The following NDUFAF3 variants were observed in gnomAD, a reference collection of about 807,000 sequenced individuals.
NDUFAF3 encodes NADH dehydrogenase [ubiquinone] 1 alpha subcomplex assembly factor 3.
In NDUFAF3, 21 loss-of-function variants were observed where a neutral mutation model predicts 22.6. That is an observed-to-expected ratio of 0.93 (90% CI 0.66 to 1.34). NDUFAF3 has a LOEUF of 1.34. Among genes scored for constraint, NDUFAF3 ranks in the 40% most tolerant of loss-of-function variants. The probability of loss-of-function intolerance (pLI) is 0.00; values close to 1 mark genes in which losing one functional copy is unlikely to be tolerated. For synonymous variants in NDUFAF3, 113 were observed against 104.9 expected (o/e 1.08, Z -0.47); for missense variants, 251 against 248.4 (o/e 1.01, Z -0.07).
At position 49,022,418 on chromosome 3, in the gene NDUFAF3, G is replaced by A. The variant is rs1411285409; in HGVS notation, c.150G>A (p.Leu50=). ...ATCAGCGGACGCGCATCTCTCTGCT[G>A]CAACGCGAGGCCGCTCAGGCAATGT... The part of the protein sequence containing the change: ...ELYQRTRISL[L]QREAAQAMYI... The change falls in exon 2 of 5, where the codon CTG becomes CTA. Residue 50 remains leucine, a synonymous_variant. Coordinates refer to ENST00000326925, the MANE Select transcript of NDUFAF3 (RefSeq NM_199069.2). This position sits in a 1 kb window ranked among gnomAD's most constrained non-coding sequence, Gnocchi z 6.6. 1 of 1,612,976 alleles carries A rather than the reference G, an allele frequency of 6.2e-7. No individual in the cohort carries two copies.
chr3:49,022,872 C>G lies in NDUFAF3; in HGVS notation c.338-4C>G, dbSNP rs372597252. The G allele has an allele frequency of 1.2e-5, 19 of 1,613,964 alleles. No homozygotes were observed. Among genetic ancestry groups the G allele is most frequent in the Non-Finnish European group, 1.5e-5 (18 of 1,179,994 alleles). On this transcript the variant is annotated splice_region_variant and splice_polypyrimidine_tract_variant and intron_variant, in intron 3 of 4. Coordinates refer to ENST00000326925, the MANE Select transcript of NDUFAF3 (RefSeq NM_199069.2). The surrounding 1 kb of genome is among the most constrained non-coding windows in gnomAD (Gnocchi z 6.6). Reference sequence around the variant, plus strand: ...GTAGACTAGCCACACCCACCCTTCCCTAGAGATCGTGGTGGTGGGGACTGG... The same window carrying G: ...GTAGACTAGCCACACCCACCCTTCCGTAGAGATCGTGGTGGTGGGGACTGG...
upstream of NDUFAF3, chr3:49,020,532 C>A (rs1575300039): frequency 2.3e-6 from 1 of 438,300 alleles, no homozygotes; most frequent in South Asian, 1.6e-5. Flanking sequence ...AGCCTGAGGG[C>A]GCAACTGAGA....
At chr3:49,021,016 C>A (rs1163614369), upstream of NDUFAF3, 1 of 161,116 alleles carries the variant, frequency 6.2e-6, no homozygotes, top group African/African-American at 2.4e-5. This position sits in a 1 kb window ranked among gnomAD's most constrained non-coding sequence, Gnocchi z 4.1. Flanking sequence ...GGAAGCGCGC[C>A]CGTGGGGCCG....
Position 49,022,332 on chromosome 3 carries a change from C to CTT in NDUFAF3, c.78-12_78-11dup. 1.2e-6 allele frequency: 2 copies of CTT among 1,610,740 alleles called. No homozygotes were observed. Among genetic ancestry groups the CTT allele is most frequent in the Non-Finnish European group, 1.7e-6 (2 of 1,179,704 alleles). On this transcript the variant is annotated splice_polypyrimidine_tract_variant and intron_variant, in intron 1 of 4. Transcript: ENST00000326925. This position sits in a 1 kb window ranked among gnomAD's most constrained non-coding sequence, Gnocchi z 6.6. ...CCGGCCCGGCCCCGCGCCCCTGACCCTTTCCCTCCGCAGGGCCCCGCGGCG... is the reference window on the plus strand; with the variant it reads ...CCGGCCCGGCCCCGCGCCCCTGACCCTTTTTCCCTCCGCAGGGCCCCGCGGCG...
chr3:49,021,021 G>C (rs1429126769), upstream of NDUFAF3: 3 of 161,868 alleles, frequency 1.9e-5, no homozygotes, highest in Non-Finnish European at 2.8e-5. The surrounding 1 kb of genome is among the most constrained non-coding windows in gnomAD (Gnocchi z 4.1). Flanking sequence ...CGCGCCCGTG[G>C]GGCCGGAGAG....
rs1306315283 is a variant in NDUFAF3, at chr3:49,022,520, C to T, written c.252C>T (p.His84=). Residue 84 remains histidine (H), a synonymous_variant, in exon 2 of 5, where the codon CAC becomes CAT. Transcript: ENST00000326925. The surrounding 1 kb of genome is among the most constrained non-coding windows in gnomAD (Gnocchi z 6.6). ...RVLGPCALLP[H]SVVQWNVGSH... is the part of the protein sequence containing the mutation. ...TCGGCCCCTGCGCTCTGCTCCCGCA[C>T]TCGGTGGTGCAGTGGAACGTGAGTC... 5.0e-6 allele frequency: 8 copies of T among 1,613,338 alleles called. No individual in the cohort carries two copies. Among genetic ancestry groups the T allele is most frequent in the Non-Finnish European group, 6.8e-6 (8 of 1,179,950 alleles).
upstream of NDUFAF3, chr3:49,022,062 C>A: frequency 3.5e-6 from 5 of 1,449,148 alleles, no homozygotes; most frequent in South Asian, 3.6e-5. The surrounding 1 kb of genome is among the most constrained non-coding windows in gnomAD (Gnocchi z 6.6). Flanking sequence ...GGCGCTGCAG[C>A]CACGCTGGGT....
rs1368645615 is a variant in NDUFAF3 at position 49,022,629 on chromosome 3, C to T, written c.271-73C>T. ...CTGCAAACTTGGCTTTCCTCTGTCT[C>T]CTCCTGCAGTGGATGGAGATGGGGA... On this transcript the variant is annotated intron_variant, in intron 2 of 4. Transcript: ENST00000326925. The surrounding 1 kb of genome is among the most constrained non-coding windows in gnomAD (Gnocchi z 6.6). 11 of 1,612,786 alleles carry T rather than the reference C, an allele frequency of 6.8e-6. No individual in the cohort carries two copies. The highest frequency in any genetic ancestry group is 1.3e-5 in the African/African-American group (1 of 74,916).
upstream of NDUFAF3, chr3:49,021,829 G>A: frequency 2.2e-6 from 1 of 452,708 alleles, no homozygotes. This position sits in a 1 kb window ranked among gnomAD's most constrained non-coding sequence, Gnocchi z 4.1. Flanking sequence ...ATAGCTGAGA[G>A]CCCGGGGGCC....
Position 49,023,189 on chromosome 3 carries a change from C to G in NDUFAF3, c.*17C>G, listed in dbSNP as rs1271898121. 3 of 1,574,670 alleles carry G rather than the reference C, an allele frequency of 1.9e-6. No homozygotes were observed. In the African/African-American group the frequency reaches 4.1e-5, roughly 21 times the overall value. Reference sequence around the variant, plus strand: ...GCTCAATGAACCGCCAGGAACTGACCTGCTGACTGCACTCTGCCAGGCTTC... The same window carrying G: ...GCTCAATGAACCGCCAGGAACTGACGTGCTGACTGCACTCTGCCAGGCTTC... On this transcript the variant is annotated 3_prime_UTR_variant, in exon 5 of 5. Transcript: ENST00000326925.
chr3:49,022,047 C>A, upstream of NDUFAF3: 1 of 1,319,628 alleles, frequency 7.6e-7, no homozygotes, highest in Non-Finnish European at 1.1e-6. The surrounding 1 kb of genome is among the most constrained non-coding windows in gnomAD (Gnocchi z 6.6). Flanking sequence ...CTCCGGGACG[C>A]AGGGGGCGCT....
At chr3:49,021,737 T>G (rs1671438726), upstream of NDUFAF3, 1 of 256,522 alleles carries the variant, frequency 3.9e-6, no homozygotes, top group Non-Finnish European at 7.6e-6. This position sits in a 1 kb window ranked among gnomAD's most constrained non-coding sequence, Gnocchi z 4.1. Flanking sequence ...AATTAGGGGC[T>G]AGAAGTCTGG....
chr3:49,020,465 A>C, upstream of NDUFAF3: 1 of 383,520 alleles, frequency 2.6e-6, no homozygotes, highest in Non-Finnish European at 5.4e-6. Flanking sequence ...AATCCTCCCC[A>C]GGGTTCCAGA....
upstream of NDUFAF3, chr3:49,022,019 G>A: frequency 3.0e-6 from 3 of 1,004,994 alleles, no homozygotes; most frequent in Non-Finnish European, 4.4e-6. This position sits in a 1 kb window ranked among gnomAD's most constrained non-coding sequence, Gnocchi z 6.6. Flanking sequence ...TGCTGGGCCG[G>A]TCGAGCTGTG....
rs1200518408 is a variant in NDUFAF3, at chr3:49,022,649, T to C, written c.271-53T>C. ...TGTCTCCTCCTGCAGTGGATGGAGA[T>C]GGGGAGAGGCTGCGTGGATTTGTCG... On this transcript the variant is annotated intron_variant, in intron 2 of 4. Transcript: ENST00000326925. This position sits in a 1 kb window ranked among gnomAD's most constrained non-coding sequence, Gnocchi z 6.6. The C allele has an allele frequency of 6.2e-7, 1 of 1,613,098 alleles. No homozygotes were observed. Among genetic ancestry groups the C allele is most frequent in the Non-Finnish European group, 8.5e-7 (1 of 1,179,216 alleles).
At position 49,022,674 on chromosome 3, in the gene NDUFAF3, G is replaced by A. The variant is rs1409202076; in HGVS notation, c.271-28G>A. On this transcript the variant is annotated intron_variant, in intron 2 of 4. Transcript: ENST00000326925. This position sits in a 1 kb window ranked among gnomAD's most constrained non-coding sequence, Gnocchi z 6.6. ...TGGGGAGAGGCTGCGTGGATTTGTCGTATTAAATGTGCCTCCTCCCTGCAC... is the reference window on the plus strand; with the variant it reads ...TGGGGAGAGGCTGCGTGGATTTGTCATATTAAATGTGCCTCCTCCCTGCAC... The A allele has an allele frequency of 3.1e-6, 5 of 1,613,794 alleles. No individual in the cohort carries two copies. The highest frequency in any genetic ancestry group is 3.4e-6 in the Non-Finnish European group (4 of 1,179,922).
In NDUFAF3 at chr3:49,022,460, C is replaced by G. The variant is rs1322582013; in HGVS notation, c.192C>G (p.Asn64Lys). 6.2e-7 allele frequency: 1 copy of G among 1,613,148 alleles called. No individual in the cohort carries two copies. Among genetic ancestry groups the G allele is most frequent in the Admixed American group, 1.7e-5 (1 of 60,030 alleles). Residue 64 changes from asparagine to lysine, a missense_variant, in exon 2 of 5, where the codon AAC becomes AAG. Physicochemically the swap from Asn to Lys is moderately conservative, Grantham distance 94 (BLOSUM62 0). Coordinates refer to ENST00000326925, the MANE Select transcript of NDUFAF3 (RefSeq NM_199069.2). This position sits in a 1 kb window ranked among gnomAD's most constrained non-coding sequence, Gnocchi z 6.6. ...AAQAMYIDSY[N>K]SRGFMINGNR... The stretch of plus-strand genomic sequence containing the variant: ...AGGCAATGTACATCGACAGCTACAA[C>G]AGCCGCGGCTTCATGATAAACGGAA...
chr3:49,022,718 A>G lies in NDUFAF3; in HGVS notation c.287A>G (p.Asp96Gly), dbSNP rs1391227678. The change falls in exon 3 of 5, where the codon GAC (aspartate) becomes GGC (glycine). Residue 96 changes from aspartate (D) to glycine (G), a missense_variant. Physicochemically the swap from Asp to Gly is moderately conservative, Grantham distance 94 (BLOSUM62 -1). Coordinates refer to ENST00000326925, the MANE Select transcript of NDUFAF3 (RefSeq NM_199069.2). This position sits in a 1 kb window ranked among gnomAD's most constrained non-coding sequence, Gnocchi z 6.6. ...CCTGCACAGGTGGGATCCCACCAGG[A>G]CATCACCGAAGACAGCTTTTCCCTC... is the stretch of plus-strand genomic sequence containing the variant. ...VVQWNVGSHQ[D>G]ITEDSFSLFW... 6.2e-7 allele frequency: 1 copy of G among 1,613,966 alleles called. No individual in the cohort carries two copies. The highest frequency in any genetic ancestry group is 1.3e-5 in the African/African-American group (1 of 74,902).
At position 49,022,162 on chromosome 3, in the gene NDUFAF3, G is replaced by C. The variant is rs921586353; in HGVS notation, c.18G>C (p.Ala6=). 2.1e-5 allele frequency: 34 copies of C among 1,609,740 alleles called. No individual in the cohort carries two copies. The highest frequency in any genetic ancestry group is 2.8e-5 in the Non-Finnish European group (33 of 1,179,584). Residue 6 remains alanine (A), a synonymous_variant, in exon 1 of 5, where the codon GCG becomes GCC. Coordinates refer to ENST00000326925, the MANE Select transcript of NDUFAF3 (RefSeq NM_199069.2). The surrounding 1 kb of genome is among the most constrained non-coding windows in gnomAD (Gnocchi z 6.6). The part of the protein sequence containing the change: MATAL[A]LRSLYRARPS... ...GGTCAGCCATGGCCACCGCTCTCGC[G>C]CTACGTAGCTTGTACCGAGCGCGAC...
Sources: allele counts gnomAD v4.1 joint callset, GRCh38; gene constraint gnomAD v4.1.1; non-coding constraint Gnocchi (gnomAD v3.1); transcripts MANE v1.5; gene names NCBI Gene and HGNC (gene_info 2026-07-23, HGNC 2026-07-21).